Variants in TSPAN5 observed in about 807,000 individuals in gnomAD.
The protein encoded by TSPAN5 is tetraspanin-5.
In TSPAN5, 10 loss-of-function variants were observed where a neutral mutation model predicts 37.1. That is an observed-to-expected ratio of 0.27 (90% confidence interval 0.17 to 0.46). The LOEUF is 0.46. Among genes scored for constraint, TSPAN5 ranks in the 20% least tolerant of loss-of-function variants. The pLI is 1.00. For synonymous variants in TSPAN5, 110 were observed against 118.9 expected (o/e 0.93, Z 0.48); for missense variants, 195 against 326.6 (o/e 0.60, Z 3.11).
intron 1 of TSPAN5, among the ~76,000 whole-genome samples, chr4:98,634,303 T>C (rs1312939263): frequency 6.6e-6 from 1 of 152,122 alleles, no homozygotes; most frequent in Non-Finnish European, 1.5e-5. Flanking sequence ...CTACAGCAGA[T>C]GGGTACAAGG....
chr4:98,647,612 A>T (rs971512670), intron 1 of TSPAN5, among the ~76,000 whole-genome samples: 15 of 152,314 alleles, frequency 9.8e-5, no homozygotes, highest in African/African-American at 3.6e-4. Context: ...AGTAGCTGGA[A>T]GTGGTATAGA....
chr4:98,616,552 A>G (rs1756342395), intron 1 of TSPAN5, among the ~76,000 whole-genome samples: 1 of 152,154 alleles, frequency 6.6e-6, no homozygotes, highest in South Asian at 2.1e-4. Context: ...GGCAAGATGA[A>G]CAAAGCACAG....
chr4:98,628,826 T>C (rs934892340), intron 1 of TSPAN5, among the ~76,000 whole-genome samples: 2 of 152,226 alleles, frequency 1.3e-5, no homozygotes, highest in Non-Finnish European at 2.9e-5. Context: ...TCATACATTG[T>C]CCTATGATAC....
At chr4:98,513,912 T>C (rs1016593088) in intron 1 of TSPAN5, among the ~76,000 whole-genome samples, 1 of 143,178 alleles carries the variant, frequency 7.0e-6, no homozygotes, top group Non-Finnish European at 1.5e-5. Context: ...ATAGATAGTA[T>C]ATATCAAGTT....
chr4:98,539,918 T>G (rs1754321008), intron 1 of TSPAN5, among the ~76,000 whole-genome samples: 1 of 152,158 alleles, frequency 6.6e-6, no homozygotes, highest in Admixed American at 6.5e-5. Context: ...TGGGAAGCCA[T>G]GCTGTGGGCA....
In TSPAN5 at chr4:98,472,558, C is replaced by T; in HGVS notation, c.771G>A (p.Leu257=). 1 of 1,613,928 alleles carries T rather than the reference C, an allele frequency of 6.2e-7. No homozygotes were observed. The highest frequency in any genetic ancestry group is 8.5e-7 in the Non-Finnish European group (1 of 1,179,966). ...CCCTGACAGCTTCGATATCGCTAAC[C>T]AAATTCTGGGCCAGGCATATCCCAA... ...QIFGICLAQN[L]VSDIEAVRAS... Residue 257 remains leucine (L), a synonymous_variant, in exon 8 of 8, where the codon TTG becomes TTA. Coordinates refer to ENST00000305798, the MANE Select transcript of TSPAN5 (RefSeq NM_005723.4).
chr4:98,492,043 G>A (rs1219705548), intron 2 of TSPAN5, among the ~76,000 whole-genome samples: 2 of 152,034 alleles, frequency 1.3e-5, no homozygotes, highest in Admixed American at 1.3e-4. Context: ...TGAGGCCCCC[G>A]CCTCTTCTGG....
At chr4:98,612,411 A>G (rs966421306) in intron 1 of TSPAN5, among the ~76,000 whole-genome samples, 1 of 152,212 alleles carries the variant, frequency 6.6e-6, no homozygotes, top group African/African-American at 2.4e-5. Flanking sequence ...TACAAGAACA[A>G]TGATGTATCC....
At chr4:98,627,086 G>A (rs917277300) in intron 1 of TSPAN5, among the ~76,000 whole-genome samples, 4 of 152,058 alleles carry the variant, frequency 2.6e-5, no homozygotes, top group Admixed American at 6.6e-5. Context: ...AGCTCTCCTC[G>A]TGGCAGGTAA....
chr4:98,654,336 C>G (rs930446880), intron 1 of TSPAN5, among the ~76,000 whole-genome samples: 1 of 152,204 alleles, frequency 6.6e-6, no homozygotes, highest in African/African-American at 2.4e-5. Flanking sequence ...TGCCTGGGAA[C>G]AGTTAAGTAT....
At chr4:98,627,868 T>C (rs1050912946) in intron 1 of TSPAN5, among the ~76,000 whole-genome samples, 1 of 152,038 alleles carries the variant, frequency 6.6e-6, no homozygotes, top group Non-Finnish European at 1.5e-5. Flanking sequence ...TGATTAAATA[T>C]AAAACAAGAG....
At chr4:98,566,739 G>A (rs922432763) in intron 1 of TSPAN5, among the ~76,000 whole-genome samples, 8 of 152,198 alleles carry the variant, frequency 5.3e-5, no homozygotes, top group African/African-American at 1.9e-4. Flanking sequence ...TTTACTCTGA[G>A]ACAGCAGGAT....
At chr4:98,575,260 C>T (rs903243515) in intron 1 of TSPAN5, among the ~76,000 whole-genome samples, 20 of 152,018 alleles carry the variant, frequency 1.3e-4, no homozygotes, top group South Asian at 4.2e-4. Context: ...CAGAGATAAT[C>T]GCTACTCACA....
intron 1 of TSPAN5, among the ~76,000 whole-genome samples, chr4:98,594,020 T>A (rs1437153443): frequency 1.3e-5 from 1 of 74,998 alleles, no homozygotes; most frequent in Non-Finnish European, 2.4e-5. Flanking sequence ...ATCTGTAAAT[T>A]ACCTTGGGCA....
At chr4:98,573,641 C>T (rs745414778) in intron 1 of TSPAN5, among the ~76,000 whole-genome samples, 10 of 152,210 alleles carry the variant, frequency 6.6e-5, no homozygotes, top group Non-Finnish European at 1.5e-5. Context: ...TCATCGAATA[C>T]TATTTTGATT....
chr4:98,545,418 C>T (rs1172967429), intron 1 of TSPAN5, among the ~76,000 whole-genome samples: 2 of 152,154 alleles, frequency 1.3e-5, no homozygotes. Flanking sequence ...TCACTTAGAG[C>T]TGAAAATGTC....
chr4:98,555,721 T>C (rs1754727054), intron 1 of TSPAN5, among the ~76,000 whole-genome samples: 1 of 152,146 alleles, frequency 6.6e-6, no homozygotes, highest in African/African-American at 2.4e-5. Flanking sequence ...AACAAGTAGT[T>C]AAAAATTAAA....
chr4:98,618,278 C>T (rs1427650810), intron 1 of TSPAN5, among the ~76,000 whole-genome samples: 1 of 151,416 alleles, frequency 6.6e-6, no homozygotes, highest in Non-Finnish European at 1.5e-5. Flanking sequence ...AAAAAGTCAC[C>T]AGTATAAAAC....
intron 1 of TSPAN5, among the ~76,000 whole-genome samples, chr4:98,548,998 G>T (rs1428254491): frequency 6.6e-6 from 1 of 152,022 alleles, no homozygotes; most frequent in African/African-American, 2.4e-5. Context: ...ATTGTGAACA[G>T]CAGTGTGGTG....
Sources: allele counts gnomAD v4.1 joint callset (sites outside exome capture counted in the v4.1 genomes callset), GRCh38; gene constraint gnomAD v4.1.1; transcripts MANE v1.5; gene names NCBI Gene and HGNC (gene_info 2026-07-23, HGNC 2026-07-21).